The following SORL1 variants were observed in gnomAD, a reference collection of about 807,000 sequenced individuals.
The protein encoded by SORL1 is sortilin-related receptor.
SORL1 carries 127 observed loss-of-function variants against 273.7 expected under a neutral mutation model. The ratio of observed to expected loss-of-function variants is 0.46; its 90% confidence interval spans 0.40 to 0.54. SORL1 has a LOEUF of 0.54. SORL1 is among the 20% of genes least tolerant of loss of function. The pLI is 0.00. For synonymous variants in SORL1, 1,031 were observed against 1,067.4 expected, an observed-to-expected ratio of 0.97 and a Z score of 0.66; for missense variants, 2,494 against 2,846.1, an observed-to-expected ratio of 0.88 and a Z score of 2.81.
intron 38 of SORL1, 114 bp from the exon 39 acceptor site, chr11:121,610,962 C>T: frequency 1.4e-6 from 1 of 702,602 alleles, no homozygotes. Flanking sequence ...AAAGAAATAC[C>T]CTTTCTTCCC....
At chr11:121,514,088 A>G (rs1267273804) in intron 7 of SORL1, 64 bp from the exon 8 acceptor site, 7 of 1,524,944 alleles carry the variant, frequency 4.6e-6, no homozygotes, top group Non-Finnish European at 4.5e-6. Context: ...TTCCGTGTGT[A>G]TAGTAAAAGC....
In SORL1 at chr11:121,629,643, C is replaced by A. The variant is rs780468417; in HGVS notation, c.*80C>A. 16 of 696,958 alleles carry A rather than the reference C, an allele frequency of 2.3e-5. No homozygotes were observed. Among genetic ancestry groups the A allele is most frequent in the East Asian group, 5.3e-5 (2 of 37,794 alleles). 43.2% of individuals were successfully genotyped at this position (696,958 alleles called of 1,614,324 possible). A position where few individuals can be genotyped will look rare whatever the true frequency, so the allele number is the denominator to read the frequency against. On this transcript the variant is annotated 3_prime_UTR_variant, in exon 48 of 48. Coordinates refer to ENST00000260197, the MANE Select transcript of SORL1 (RefSeq NM_003105.6). ...AGTTGATGGTTTATTTTAAAAGATG[C>A]ACTTTGAGTTGCAATATGTTATTTT...
intron 6 of SORL1, among the ~76,000 whole-genome samples, chr11:121,512,622 T>C (rs960590682): frequency 6.6e-6 from 1 of 152,212 alleles, no homozygotes; most frequent in Non-Finnish European, 1.5e-5. Context: ...TCTCACCCTT[T>C]AGTGGTTTGG....
chr11:121,627,521 G>C lies in SORL1; in HGVS notation c.6365-34G>C. The C allele has an allele frequency of 6.3e-7, 1 of 1,587,030 alleles. No homozygotes were observed. The highest frequency in any genetic ancestry group is 8.7e-7 in the Non-Finnish European group (1 of 1,155,566). On this transcript the variant is annotated intron_variant, in intron 46 of 47. Transcript: ENST00000260197. This position sits in a 1 kb window ranked among gnomAD's most constrained non-coding sequence, Gnocchi z 4.9. ...CATCTGGTCTGTTCTCCTGCCCTCA[G>C]GTGGGCTTATTGGTGGGAACTTTGC...
At position 121,558,796 on chromosome 11, in the gene SORL1, C is replaced by T; in HGVS notation, c.2869C>T (p.Leu957=). ...CAGTGGCCAGCAGCGCTCTGTCATTCTGGACAACCTCCCGCACCCCTATGC... is the reference window on the plus strand; with the variant it reads ...CAGTGGCCAGCAGCGCTCTGTCATTTTGGACAACCTCCCGCACCCCTATGC... The part of the protein sequence containing the change: ...TFSGQQRSVI[L]DNLPHPYAIA... The change falls in exon 20 of 48, where the codon CTG becomes TTG. Residue 957 remains leucine, a synonymous_variant. Transcript: ENST00000260197. The T allele has an allele frequency of 1.2e-6, 2 of 1,614,144 alleles. No homozygotes were observed. The highest frequency in any genetic ancestry group is 3.3e-5 in the Admixed American group (2 of 60,024).
chr11:121,496,166 CAG>C (rs991032090), intron 5 of SORL1, among the ~76,000 whole-genome samples: 8 of 152,194 alleles, frequency 5.3e-5, no homozygotes, highest in African/African-American at 1.9e-4. Context: ...AACTTGATGA[CAG>C]AGGAGAGTAG....
intron 24 of SORL1, among the ~76,000 whole-genome samples, chr11:121,574,854 A>G (rs540309305): frequency 6.6e-6 from 1 of 152,296 alleles, no homozygotes; most frequent in East Asian, 1.9e-4. Context: ...GAATGAATTC[A>G]GGGGGTTATT....
intron 32 of SORL1, among the ~76,000 whole-genome samples, chr11:121,597,586 C>G (rs778442395): frequency 6.6e-6 from 1 of 151,996 alleles, no homozygotes; most frequent in African/African-American, 2.4e-5. Flanking sequence ...CTCAGCCTCC[C>G]GAGTAGCTGG....
intron 26 of SORL1, among the ~76,000 whole-genome samples, chr11:121,584,657 T>C (rs896086771): frequency 6.6e-6 from 1 of 152,124 alleles, no homozygotes; most frequent in South Asian, 2.1e-4. Context: ...AGTAGTATGA[T>C]TGTGGCTCAC....
intron 1 of SORL1, among the ~76,000 whole-genome samples, chr11:121,466,196 G>A (rs115435586): frequency 1.6e-3 from 238 of 152,272 alleles, no homozygotes; most frequent in African/African-American, 5.4e-3. Context: ...CAGGGGAGAG[G>A]GAAGGTTGTT....
intron 24 of SORL1, 64 bp downstream of exon 24, chr11:121,574,427 G>A (rs929851123): frequency 1.3e-6 from 2 of 1,506,488 alleles, no homozygotes; most frequent in East Asian, 2.3e-5. Flanking sequence ...TCCCTCACAG[G>A]GCTGTACTGG....
intron 16 of SORL1, among the ~76,000 whole-genome samples, chr11:121,552,234 G>A (rs1220091854): frequency 1.3e-5 from 2 of 152,202 alleles, no homozygotes; most frequent in Non-Finnish European, 2.9e-5. Flanking sequence ...GCAAAGATGA[G>A]GTAATCTGGG....
intron 46 of SORL1, among the ~76,000 whole-genome samples, chr11:121,625,731 A>G (rs559336477): frequency 6.6e-6 from 1 of 152,260 alleles, no homozygotes; most frequent in Non-Finnish European, 1.5e-5. Context: ...AGCTCTCAGC[A>G]TAAGCTTAGG....
chr11:121,558,828 T>A lies in SORL1; in HGVS notation c.2901T>A (p.Ala967=), dbSNP rs761061241. The part of the protein sequence containing the change: ...LDNLPHPYAI[A]VFKNEIYWDD... ...ACCTCCCGCACCCCTATGCCATTGC[T>A]GTCTTTAAGGTGAGTCCATTTGTTG... Residue 967 remains alanine, a synonymous_variant, in exon 20 of 48, where the codon GCT becomes GCA. Coordinates refer to ENST00000260197, the MANE Select transcript of SORL1 (RefSeq NM_003105.6). The A allele has an allele frequency of 6.2e-7, 1 of 1,614,170 alleles. No homozygotes were observed. Among genetic ancestry groups the A allele is most frequent in the South Asian group, 1.1e-5 (1 of 91,074 alleles).
chr11:121,577,532 T>G, intron 25 of SORL1, 132 bp downstream of exon 25: 1 of 1,025,152 alleles, frequency 9.8e-7, no homozygotes, highest in Admixed American at 2.9e-5. Context: ...GTTTCATGCT[T>G]CTCAAAGAGC....
chr11:121,481,404 A>G (rs867501356), intron 3 of SORL1, among the ~76,000 whole-genome samples: 1 of 124,440 alleles, frequency 8.0e-6, no homozygotes, highest in African/African-American at 3.4e-5. Context: ...GGCAGGCTCC[A>G]TCTCCTCCTC....
chr11:121,543,780 T>TA (rs1163018553), intron 13 of SORL1, 54 bp downstream of exon 13: 1 of 1,519,416 alleles, frequency 6.6e-7, no homozygotes, highest in Admixed American at 1.7e-5. Flanking sequence ...GACTTCCTGT[T>TA]ATGTGCAAAG....
At chr11:121,577,837 A>G (rs1862958934) in intron 25 of SORL1, among the ~76,000 whole-genome samples, 1 of 152,210 alleles carries the variant, frequency 6.6e-6, no homozygotes, top group South Asian at 2.1e-4. Flanking sequence ...AAAAGTAAAG[A>G]TGGAAACAAC....
At chr11:121,607,113 C>A in intron 36 of SORL1, 73 bp from the exon 37 acceptor site, 1 of 1,089,190 alleles carries the variant, frequency 9.2e-7, no homozygotes, top group Non-Finnish European at 1.4e-6. Context: ...TCTCCTCCAG[C>A]CTCCTTGCAA....
Sources: gnomAD v4.1 joint callset for allele counts (sites outside exome capture counted in the v4.1 genomes callset) on GRCh38, gnomAD v4.1.1 for gene constraint, Gnocchi (gnomAD v3.1) non-coding constraint, MANE v1.5 for transcripts, NCBI Gene and HGNC (gene_info 2026-07-23, HGNC 2026-07-21) for gene names.